Variants in NDUFAF6 observed in about 807,000 individuals in gnomAD.
The protein encoded by NDUFAF6 is NADH dehydrogenase (ubiquinone) complex I, assembly factor 6.
NDUFAF6 carries 45 observed loss-of-function variants against 40.8 expected under a neutral mutation model. That is an observed-to-expected ratio of 1.10 (90% CI 0.87 to 1.42). NDUFAF6 has a LOEUF of 1.42. Ranked by LOEUF, NDUFAF6 falls within the 40% of genes most tolerant of loss-of-function variation. The probability of loss-of-function intolerance (pLI) is 0.00; values close to 1 mark genes in which losing one functional copy is unlikely to be tolerated. For synonymous variants in NDUFAF6, 185 were observed against 155.9 expected, an observed-to-expected ratio of 1.19 and a Z score of -1.39; for missense variants, 435 against 418.5, an observed-to-expected ratio of 1.04 and a Z score of -0.34.
rs528850616 is a variant in NDUFAF6 at position 94,914,070 on chromosome 8, G to A, written c.-936+18143G>A. Among the ~76,000 whole-genome samples the A allele has an allele frequency of 3.3e-5, 5 of 149,708 alleles. No homozygotes were observed. The East Asian group carries it at 7.9e-4, about 24-fold the overall frequency. The stretch of plus-strand genomic sequence containing the variant: ...GCCTCCTAGAGTTGGGATTACAGGC[G>A]TGAGCCACCGCGCCCGGCCTGAGAC... On this transcript the variant is annotated intron_variant, in intron 1 of 14. Coordinates refer to the NDUFAF6 transcript ENST00000396113.
At chr8:95,091,877 C>T (rs1012782380) in intron 2 of NDUFAF6, among the ~76,000 whole-genome samples, 2 of 148,340 alleles carry the variant, frequency 1.3e-5, no homozygotes, top group African/African-American at 5.0e-5. Flanking sequence ...TGGTCTCAAG[C>T]GATACTTCCA....
upstream of NDUFAF6, among the ~76,000 whole-genome samples, chr8:94,953,075 C>T (rs1822758391): frequency 2.0e-5 from 3 of 152,130 alleles, no homozygotes; most frequent in Non-Finnish European, 2.9e-5. Flanking sequence ...AGGCTGGGCA[C>T]GGTGGCTTAC....
chr8:95,055,649 C>T (rs980444302), intron 8 of NDUFAF6, among the ~76,000 whole-genome samples: 2 of 152,042 alleles, frequency 1.3e-5, no homozygotes, highest in African/African-American at 4.8e-5. Context: ...ATAGCATGAG[C>T]TTTCTTTGCA....
chr8:94,957,151 G>A (rs186592063), upstream of NDUFAF6, among the ~76,000 whole-genome samples: 2 of 152,246 alleles, frequency 1.3e-5, no homozygotes, highest in Non-Finnish European at 2.9e-5. Context: ...CAGTCTGGAC[G>A]ACAATGTGAG....
chr8:94,936,673 G>C (rs1821006166), intron 1 of NDUFAF6, among the ~76,000 whole-genome samples: 1 of 152,102 alleles, frequency 6.6e-6, no homozygotes, highest in African/African-American at 2.4e-5. Context: ...GCTTCCATAG[G>C]GAGCACAACC....
chr8:94,985,486 TATATATATATATATATATATATATA>T (rs1563770546), intron 2 of NDUFAF6, among the ~76,000 whole-genome samples: 5 of 5,488 alleles, frequency 9.1e-4, no homozygotes, highest in Non-Finnish European at 2.1e-3. Flanking sequence ...TATATATATA[TATATATATATATATATATATATATA>T]TATATTTTTT....
chr8:95,071,403 G>GAAAAA (rs10583999), intron 9 of NDUFAF6, among the ~76,000 whole-genome samples: 8 of 105,504 alleles, frequency 7.6e-5, no homozygotes, highest in Non-Finnish European at 1.1e-4. Flanking sequence ...GTCTCCAAAA[G>GAAAAA]AAAAAAAAAA....
At chr8:94,938,087 C>T (rs755596805) in intron 1 of NDUFAF6, among the ~76,000 whole-genome samples, 35 of 152,166 alleles carry the variant, frequency 2.3e-4, no homozygotes, top group Non-Finnish European at 4.3e-4. Context: ...TTGAAACAGG[C>T]TCAGAGAAAA....
intron 1 of NDUFAF6, among the ~76,000 whole-genome samples, chr8:94,925,258 G>A (rs1364133005): frequency 6.6e-6 from 1 of 152,174 alleles, no homozygotes; most frequent in African/African-American, 2.4e-5. Flanking sequence ...TGGGCTTCGT[G>A]TTCCATTATT....
chr8:94,915,390 G>C (rs975825065), intron 1 of NDUFAF6, among the ~76,000 whole-genome samples: 3 of 152,194 alleles, frequency 2.0e-5, no homozygotes, highest in African/African-American at 7.2e-5. Context: ...TGGCTGCAAA[G>C]AACGTATTTT....
chr8:95,035,149 AG>A (rs1829340493), intron 2 of NDUFAF6, among the ~76,000 whole-genome samples: 1 of 152,050 alleles, frequency 6.6e-6, no homozygotes, highest in African/African-American at 2.4e-5. Context: ...CCAAAGTTTA[AG>A]GTTTACAGAT....
rs1832451821 is a variant in NDUFAF6 at position 95,058,424 on chromosome 8, CGTGTT to C, written c.*491_*495del. ...ATTAATATTTGAGGAATATCAGTCA[CGTGTT>C]GTGGGCTTTTATCCTTAACGTTTAA... On this transcript the variant is annotated 3_prime_UTR_variant, in exon 9 of 9. Transcript: ENST00000396124. The C allele has an allele frequency of 1.6e-6, 2 of 1,232,184 alleles. No individual in the cohort carries two copies. Among genetic ancestry groups the C allele is most frequent in the Non-Finnish European group, 2.0e-6 (2 of 988,408 alleles). 76.3% of individuals were successfully genotyped at this position (1,232,184 alleles called of 1,614,324 possible). A position where few individuals can be genotyped will look rare whatever the true frequency, so the allele number is the denominator to read the frequency against.
At chr8:95,045,181 G>T (rs1459743569) in intron 4 of NDUFAF6, among the ~76,000 whole-genome samples, 1 of 152,058 alleles carries the variant, frequency 6.6e-6, no homozygotes, top group African/African-American at 2.4e-5. Flanking sequence ...TCTTGGAGGG[G>T]GGGTTGTTTG....
intron 2 of NDUFAF6, chr8:95,034,024 G>C (rs749090067): frequency 2.2e-6 from 1 of 457,712 alleles, no homozygotes; most frequent in African/African-American, 2.0e-5. Flanking sequence ...TCTTGCTGCT[G>C]TCTTGCTGTA....
intron 1 of NDUFAF6, among the ~76,000 whole-genome samples, chr8:94,905,572 A>G (rs1818343704): frequency 6.6e-6 from 1 of 152,174 alleles, no homozygotes; most frequent in African/African-American, 2.4e-5. Context: ...GTCCTTCCCC[A>G]GCCACTGATT....
intron 2 of NDUFAF6, among the ~76,000 whole-genome samples, chr8:95,009,307 A>T (rs556865816): frequency 6.6e-6 from 1 of 152,314 alleles, no homozygotes; most frequent in African/African-American, 2.4e-5. Context: ...CATAATACAT[A>T]TATACCTCCA....
At chr8:94,938,040 A>G (rs1586725526) in intron 1 of NDUFAF6, among the ~76,000 whole-genome samples, 1 of 152,200 alleles carries the variant, frequency 6.6e-6, no homozygotes, top group East Asian at 1.9e-4. Flanking sequence ...ATGAATAAAT[A>G]GGTTATGAAT....
intron 2 of NDUFAF6, among the ~76,000 whole-genome samples, chr8:95,086,479 A>G (rs1000933081): frequency 1.3e-5 from 2 of 152,216 alleles, no homozygotes; most frequent in African/African-American, 4.8e-5. Flanking sequence ...GTTCTCAGAA[A>G]TAGCAAACTG....
chr8:95,115,168 T>G (rs2132091148), intron 4 of NDUFAF6, among the ~76,000 whole-genome samples: 1 of 152,334 alleles, frequency 6.6e-6, no homozygotes, highest in South Asian at 2.1e-4. Context: ...CTTTTTATGT[T>G]TAATCAATCT....
Sources: allele counts gnomAD v4.1 joint callset (sites outside exome capture counted in the v4.1 genomes callset), GRCh38; gene constraint gnomAD v4.1.1; transcripts MANE v1.5; gene names NCBI Gene and HGNC (gene_info 2026-07-23, HGNC 2026-07-21).